The following DAB1 variants were observed in gnomAD, a reference collection of about 807,000 sequenced individuals.
DAB1 encodes the protein DAB adaptor protein 1, also known as disabled homolog 1.
A neutral mutation model predicts 64.6 loss-of-function variants in DAB1; 15 were observed. The ratio of observed to expected loss-of-function variants is 0.23; its 90% CI spans 0.16 to 0.36. The LOEUF (loss-of-function observed/expected upper bound fraction) is 0.36. DAB1 is among the 10% of genes least tolerant of loss of function. DAB1 has a pLI of 1.00. For synonymous variants in DAB1, 235 were observed against 251.9 expected (o/e 0.93, Z 0.64); for missense variants, 596 against 706.7 (o/e 0.84, Z 1.78).
At chr1:58,364,730 C>G (rs1644199800) in intron 3 of DAB1, among the ~76,000 whole-genome samples, 1 of 152,168 alleles carries the variant, frequency 6.6e-6, no homozygotes, top group South Asian at 2.1e-4. Flanking sequence ...TGTATGTGTA[C>G]TTGTAACAAA....
intron 2 of DAB1, among the ~76,000 whole-genome samples, chr1:57,152,381 G>A (rs1483529627): frequency 6.6e-6 from 1 of 152,184 alleles, no homozygotes; most frequent in East Asian, 1.9e-4. Flanking sequence ...TGCTTTATCT[G>A]GGATCTCAAT....
At chr1:57,876,739 C>T (rs993413660) in intron 1 of DAB1, 9 of 152,086 alleles carry the variant, frequency 5.9e-5, no homozygotes, top group African/African-American at 2.2e-4. Flanking sequence ...AGTTGACATG[C>T]AGGCTGGACA....
intron 7 of DAB1, among the ~76,000 whole-genome samples, chr1:57,496,969 C>A (rs1167344265): frequency 6.6e-6 from 1 of 152,232 alleles, no homozygotes; most frequent in East Asian, 1.9e-4. Context: ...GCACGACTTT[C>A]CTGTCATTCC....
At chr1:57,487,547 C>T (rs1558427017) in intron 7 of DAB1, among the ~76,000 whole-genome samples, 1 of 152,216 alleles carries the variant, frequency 6.6e-6, no homozygotes, top group Non-Finnish European at 1.5e-5. Flanking sequence ...ATGCTCAACA[C>T]CTGGTAAGCC....
intron 7 of DAB1, among the ~76,000 whole-genome samples, chr1:57,548,338 A>C (rs1390483865): frequency 6.6e-6 from 1 of 152,226 alleles, no homozygotes; most frequent in Non-Finnish European, 1.5e-5. Context: ...ACACACCTAG[A>C]AGATGACAGA....
At chr1:58,182,192 T>C (rs1397947634) in intron 4 of DAB1, among the ~76,000 whole-genome samples, 1 of 152,020 alleles carries the variant, frequency 6.6e-6, no homozygotes, top group Non-Finnish European at 1.5e-5. Context: ...GTTTTTTTAC[T>C]TCTTGCTGAT....
chr1:57,797,462 T>C (rs1340458581), intron 6 of DAB1, among the ~76,000 whole-genome samples: 1 of 152,236 alleles, frequency 6.6e-6, no homozygotes, highest in Admixed American at 6.5e-5. Context: ...CTATAACACA[T>C]TTAATCTAAT....
At chr1:57,246,199 C>A (rs1668861029) in intron 2 of DAB1, among the ~76,000 whole-genome samples, 1 of 152,338 alleles carries the variant, frequency 6.6e-6, no homozygotes, top group Admixed American at 6.5e-5. Flanking sequence ...GCAGCAGCCT[C>A]TCCCATCACA....
At chr1:57,563,176 C>A (rs185651750) in intron 7 of DAB1, among the ~76,000 whole-genome samples, 46 of 152,130 alleles carry the variant, frequency 3.0e-4, no homozygotes, top group Admixed American at 1.2e-3. Flanking sequence ...TAGAAGAAGG[C>A]GGTCATCAAT....
At chr1:57,583,725 G>C (rs568633393) in intron 7 of DAB1, among the ~76,000 whole-genome samples, 1 of 152,122 alleles carries the variant, frequency 6.6e-6, no homozygotes, top group Non-Finnish European at 1.5e-5. Flanking sequence ...TGTGACTCCT[G>C]TACTTTCCAA....
At chr1:58,402,032 G>T (rs1644574108) in intron 3 of DAB1, among the ~76,000 whole-genome samples, 2 of 152,248 alleles carry the variant, frequency 1.3e-5, no homozygotes, top group Admixed American at 1.3e-4. Flanking sequence ...TCTTGATGGA[G>T]TCTTGAGTAT....
intron 5 of DAB1, among the ~76,000 whole-genome samples, chr1:58,132,483 C>T (rs531209332): frequency 2.6e-5 from 4 of 152,282 alleles, no homozygotes; most frequent in Admixed American, 1.3e-4. Context: ...TGGCTCCTCC[C>T]CCCGGGGCCA....
intron 6 of DAB1, among the ~76,000 whole-genome samples, chr1:57,713,572 C>T (rs149386237): frequency 6.6e-6 from 1 of 152,106 alleles, no homozygotes. Flanking sequence ...GAAGCAAAAT[C>T]CAAATGCAAA....
intron 1 of DAB1, among the ~76,000 whole-genome samples, chr1:57,861,716 C>T (rs1406286380): frequency 6.7e-6 from 1 of 150,044 alleles, no homozygotes; most frequent in East Asian, 1.9e-4. Context: ...AAGTGCTTCA[C>T]ACAATATTAT....
chr1:58,370,179 A>T (rs577637017), intron 3 of DAB1, among the ~76,000 whole-genome samples: 3 of 152,222 alleles, frequency 2.0e-5, no homozygotes, highest in East Asian at 1.9e-4. Context: ...ACGGATTTTT[A>T]AAATTTGGTG....
intron 4 of DAB1, among the ~76,000 whole-genome samples, chr1:57,087,003 C>T (rs370645389): frequency 9.9e-5 from 15 of 152,092 alleles, no homozygotes; most frequent in African/African-American, 3.4e-4. Context: ...AGAGCACCAC[C>T]TTGAAGGCTG....
At chr1:58,409,762 A>G (rs564935066) in intron 3 of DAB1, among the ~76,000 whole-genome samples, 1 of 152,282 alleles carries the variant, frequency 6.6e-6, no homozygotes, top group South Asian at 2.1e-4. Context: ...CTAGTTTTAA[A>G]GGGCAGAGAT....
At chr1:58,352,538 T>C (rs1644068038) in intron 3 of DAB1, among the ~76,000 whole-genome samples, 1 of 152,036 alleles carries the variant, frequency 6.6e-6, no homozygotes, top group South Asian at 2.1e-4. Flanking sequence ...CAACAGCTAA[T>C]AGGGGTAGGT....
At chr1:57,109,159 GC>G (rs1557736253) in intron 4 of DAB1, among the ~76,000 whole-genome samples, 1 of 152,128 alleles carries the variant, frequency 6.6e-6, no homozygotes, top group East Asian at 1.9e-4. Context: ...CTTCTAGGGG[GC>G]CTCTTTGGAG....
Sources: allele counts gnomAD v4.1 joint callset (sites outside exome capture counted in the v4.1 genomes callset), GRCh38; gene constraint gnomAD v4.1.1; transcripts MANE v1.5; gene names NCBI Gene and HGNC (gene_info 2026-07-23, HGNC 2026-07-21).